The following GRK3 variants were observed in gnomAD, a reference collection of about 807,000 sequenced individuals.
GRK3 encodes adrenergic, beta, receptor kinase 2.
In GRK3, 54 loss-of-function variants were observed where a neutral mutation model predicts 95.7. The observed-to-expected ratio is 0.56, with a 90% CI of 0.45 to 0.71. GRK3 has a LOEUF of 0.71. Ranked by LOEUF, GRK3 falls within the 30% of genes least tolerant of loss-of-function variation. GRK3 has a pLI of 0.00. For synonymous variants in GRK3, 281 were observed against 290.8 expected (o/e 0.97, Z 0.34); for missense variants, 649 against 851.2 (o/e 0.76, Z 2.96).
chr22:25,678,291 A>G (rs2146421936), intron 8 of GRK3, among the ~76,000 whole-genome samples: 1 of 152,202 alleles, frequency 6.6e-6, no homozygotes, highest in African/African-American at 2.4e-5. Context: ...CATCTCTACT[A>G]AAAATACAAA....
intron 1 of GRK3, among the ~76,000 whole-genome samples, chr22:25,592,396 G>A (rs1932523759): frequency 6.6e-6 from 1 of 152,078 alleles, no homozygotes; most frequent in African/African-American, 2.4e-5. Context: ...TGGATAGATG[G>A]TTTGCCAGTG....
At chr22:25,616,472 G>T (rs1289608207) in intron 2 of GRK3, among the ~76,000 whole-genome samples, 1 of 152,090 alleles carries the variant, frequency 6.6e-6, no homozygotes, top group African/African-American at 2.4e-5. Flanking sequence ...TCACTCTCAT[G>T]AGAACAGCAA....
chr22:25,585,570 C>T (rs1932271239), intron 1 of GRK3, among the ~76,000 whole-genome samples: 1 of 152,074 alleles, frequency 6.6e-6, no homozygotes, highest in Non-Finnish European at 1.5e-5. Flanking sequence ...CTTTAGTTTA[C>T]GTTAATTACA....
At chr22:25,571,358 T>C (rs544808505) in intron 1 of GRK3, among the ~76,000 whole-genome samples, 1 of 152,342 alleles carries the variant, frequency 6.6e-6, no homozygotes, top group South Asian at 2.1e-4. Context: ...TAAAATACAT[T>C]ATCTATTTCT....
chr22:25,680,647 G>A (rs999765503), intron 9 of GRK3, among the ~76,000 whole-genome samples: 1 of 151,742 alleles, frequency 6.6e-6, no homozygotes, highest in African/African-American at 2.4e-5. Flanking sequence ...AAAAAATTAG[G>A]GTTATTTTGG....
chr22:25,658,613 C>G (rs1156309907), intron 3 of GRK3, among the ~76,000 whole-genome samples: 1 of 152,100 alleles, frequency 6.6e-6, no homozygotes, highest in Admixed American at 6.6e-5. Context: ...TGCTTATTGT[C>G]TATGTGTCCA....
intron 11 of GRK3, among the ~76,000 whole-genome samples, chr22:25,688,086 A>T (rs1015582177): frequency 2.0e-5 from 3 of 151,998 alleles, no homozygotes; most frequent in Admixed American, 1.3e-4. Context: ...AATACAAAAA[A>T]TTAGCCGGGC....
chr22:25,688,629 G>C (rs2085141103), intron 11 of GRK3, among the ~76,000 whole-genome samples: 1 of 152,204 alleles, frequency 6.6e-6, no homozygotes, highest in African/African-American at 2.4e-5. Context: ...CTTGTCCTCT[G>C]TGAGAGCTCA....
chr22:25,621,728 C>T (rs2084587583), intron 2 of GRK3, among the ~76,000 whole-genome samples: 2 of 152,108 alleles, frequency 1.3e-5, no homozygotes, highest in Admixed American at 6.6e-5. Context: ...TAGACAAGAC[C>T]CTTAAAGTTG....
At chr22:25,681,945 T>C (rs2085077866) in intron 9 of GRK3, among the ~76,000 whole-genome samples, 1 of 152,200 alleles carries the variant, frequency 6.6e-6, no homozygotes, top group South Asian at 2.1e-4. Context: ...TTTTTTCATA[T>C]TGGTCAGTAT....
At chr22:25,628,910 C>T (rs2084645880) in intron 2 of GRK3, among the ~76,000 whole-genome samples, 1 of 152,146 alleles carries the variant, frequency 6.6e-6, no homozygotes, top group African/African-American at 2.4e-5. Context: ...CCAGAGGTGA[C>T]ATACCCCACT....
At chr22:25,682,863 C>A (rs897346560) in intron 9 of GRK3, among the ~76,000 whole-genome samples, 7 of 152,214 alleles carry the variant, frequency 4.6e-5, no homozygotes, top group African/African-American at 1.7e-4. Context: ...TAACTACTAC[C>A]CAGATTTCTA....
intron 15 of GRK3, among the ~76,000 whole-genome samples, chr22:25,708,318 G>T (rs2085316352): frequency 1.3e-5 from 2 of 152,150 alleles, no homozygotes; most frequent in Non-Finnish European, 2.9e-5. Context: ...CCAAGGGGTG[G>T]CTGTGAAGCC....
chr22:25,579,711 A>G (rs1242828448), intron 1 of GRK3, among the ~76,000 whole-genome samples: 2 of 151,934 alleles, frequency 1.3e-5, no homozygotes, highest in African/African-American at 4.8e-5. Flanking sequence ...TGACCTCGTG[A>G]TCTGCCCGCC....
At chr22:25,633,916 C>T (rs1239218129) in intron 2 of GRK3, among the ~76,000 whole-genome samples, 3 of 152,078 alleles carry the variant, frequency 2.0e-5, no homozygotes, top group African/African-American at 4.8e-5. Context: ...TGTTCACTAT[C>T]TGCTCTTTGG....
intron 1 of GRK3, among the ~76,000 whole-genome samples, chr22:25,588,550 T>G (rs1011613861): frequency 1.3e-5 from 2 of 152,246 alleles, no homozygotes; most frequent in Non-Finnish European, 2.9e-5. Context: ...GTTTTAAATC[T>G]AGTGGTCAAG....
intron 2 of GRK3, among the ~76,000 whole-genome samples, chr22:25,632,870 A>G (rs2084673500): frequency 6.6e-6 from 1 of 152,114 alleles, no homozygotes; most frequent in African/African-American, 2.4e-5. Context: ...TTTCTCCAAC[A>G]GCATACTGCC....
chr22:25,650,106 C>T (rs935464971), intron 3 of GRK3, among the ~76,000 whole-genome samples: 5 of 151,974 alleles, frequency 3.3e-5, no homozygotes, highest in Non-Finnish European at 7.4e-5. Context: ...ATTCTCCTGC[C>T]TCAGCCTCCT....
intron 4 of GRK3, 57 bp from the exon 5 acceptor site, chr22:25,663,573 A>G: frequency 8.8e-7 from 1 of 1,134,582 alleles, no homozygotes; most frequent in Non-Finnish European, 1.3e-6. Flanking sequence ...ATATTATATA[A>G]CATACACAGA....
Sources: allele counts gnomAD v4.1 joint callset (sites outside exome capture counted in the v4.1 genomes callset), GRCh38; gene constraint gnomAD v4.1.1; transcripts MANE v1.5; gene names NCBI Gene and HGNC (gene_info 2026-07-23, HGNC 2026-07-21).